The following VAV2 variants were observed in gnomAD, a reference collection of about 807,000 sequenced individuals.
VAV2 encodes the protein guanine nucleotide exchange factor VAV2.
A neutral mutation model predicts 132.5 loss-of-function variants in VAV2; 67 were observed. That is an observed-to-expected ratio of 0.51 (90% CI 0.42 to 0.62). VAV2 has a LOEUF of 0.62. Among genes scored for constraint, VAV2 ranks in the 20% least tolerant of loss-of-function variants. The probability of loss-of-function intolerance (pLI) is 0.00; values close to 1 mark genes in which losing one functional copy is unlikely to be tolerated. For missense variants in VAV2, 938 were observed against 1,153.6 expected (o/e 0.81, Z 2.71); for synonymous variants, 492 against 443.5 (o/e 1.11, Z -1.37).
intron 1 of VAV2, among the ~76,000 whole-genome samples, chr9:133,964,817 C>A (rs1842093508): frequency 6.6e-6 from 1 of 152,144 alleles, no homozygotes; most frequent in Non-Finnish European, 1.5e-5. Context: ...AGAAGGAGCA[C>A]TCCTCTACAC....
chr9:133,815,981 G>A (rs62576516), intron 4 of VAV2, among the ~76,000 whole-genome samples: 7 of 151,972 alleles, frequency 4.6e-5, no homozygotes, highest in Non-Finnish European at 8.8e-5. Flanking sequence ...CCCCAGCTGC[G>A]CCACATCCTC....
chr9:133,808,906 G>T, intron 7 of VAV2, 134 bp downstream of exon 7: 1 of 770,434 alleles, frequency 1.3e-6, no homozygotes, highest in Non-Finnish European at 2.0e-6. Flanking sequence ...AGAGCTGGGA[G>T]GGCCACCAAG....
chr9:133,838,056 G>T (rs1256383176), intron 3 of VAV2, among the ~76,000 whole-genome samples: 1 of 152,162 alleles, frequency 6.6e-6, no homozygotes, highest in Non-Finnish European at 1.5e-5. Context: ...CACGGCCTCA[G>T]CGCCTGGCCG....
At chr9:133,855,702 G>A (rs562551546) in intron 3 of VAV2, among the ~76,000 whole-genome samples, 1 of 152,204 alleles carries the variant, frequency 6.6e-6, no homozygotes, top group Admixed American at 6.5e-5. Flanking sequence ...GAAATGCGAG[G>A]TCACTGCTTC....
chr9:133,856,004 G>A (rs1488483797), intron 3 of VAV2, among the ~76,000 whole-genome samples: 3 of 152,206 alleles, frequency 2.0e-5, no homozygotes, highest in Non-Finnish European at 4.4e-5. Flanking sequence ...GACCGGCTAC[G>A]GCTGGGTGAA....
At chr9:133,981,008 T>G (rs1842675382) in intron 1 of VAV2, among the ~76,000 whole-genome samples, 1 of 152,150 alleles carries the variant, frequency 6.6e-6, no homozygotes, top group South Asian at 2.1e-4. Flanking sequence ...AAATACCTCA[T>G]TTGCTGAGGA....
At chr9:133,941,593 G>A (rs1588147836) in intron 1 of VAV2, among the ~76,000 whole-genome samples, 1 of 113,322 alleles carries the variant, frequency 8.8e-6, no homozygotes, top group East Asian at 2.7e-4. Flanking sequence ...AATCCTGTGT[G>A]AGTCCACTTT....
chr9:133,931,291 C>G (rs1362010116), intron 2 of VAV2, among the ~76,000 whole-genome samples: 1 of 152,176 alleles, frequency 6.6e-6, no homozygotes, highest in Non-Finnish European at 1.5e-5. Context: ...AGCCAGAGAG[C>G]CCAGCAGCAG....
rs987114837 is a variant in VAV2, at chr9:133,861,414, T to G, written c.340A>C (p.Arg114=). 5.0e-6 allele frequency: 8 copies of G among 1,613,280 alleles called. No homozygotes were observed. The highest frequency in any genetic ancestry group is 6.8e-6 in the Non-Finnish European group (8 of 1,179,802). The part of the protein sequence containing the change: ...DFGKVISAVS[R]LSLHSIAQNK... Reference sequence around the variant, plus strand: ...TGCGCGATGCTGTGCAGGGAGAGCCTCGACACCGCGGAGATGACCTGGGGG... The same window carrying G: ...TGCGCGATGCTGTGCAGGGAGAGCCGCGACACCGCGGAGATGACCTGGGGG... Residue 114 remains arginine, a synonymous_variant, in exon 3 of 30, where the codon AGG becomes CGG. Coordinates refer to ENST00000371850, the MANE Select transcript of VAV2 (RefSeq NM_001134398.2).
In VAV2 at chr9:133,912,208, G is replaced by A. The variant is rs977373148; in HGVS notation, c.321+26895C>T. On this transcript the variant is annotated intron_variant, in intron 2 of 29. Coordinates refer to ENST00000371850, the MANE Select transcript of VAV2 (RefSeq NM_001134398.2). This position sits in a 1 kb window ranked among gnomAD's most constrained non-coding sequence, Gnocchi z 4.3. ...GTCCCGGCCTCCAACACACGTGGGA[G>A]AAGGGCTGACAACCAGGAGTGTTTT... is the stretch of plus-strand genomic sequence containing the variant. 2.6e-5 allele frequency among the ~76,000 whole-genome samples: 4 copies of A among 152,212 alleles called. No homozygotes were observed. The highest frequency in any genetic ancestry group is 9.6e-5 in the African/African-American group (4 of 41,452).
intron 5 of VAV2, among the ~76,000 whole-genome samples, chr9:133,811,897 C>A (rs902597541): frequency 2.0e-5 from 3 of 152,132 alleles, no homozygotes; most frequent in Non-Finnish European, 2.9e-5. Context: ...ACAGAGTGGA[C>A]CAGGAGTCAG....
At chr9:133,855,527 C>T (rs1215662934) in intron 3 of VAV2, among the ~76,000 whole-genome samples, 3 of 152,220 alleles carry the variant, frequency 2.0e-5, no homozygotes, top group Admixed American at 6.5e-5. Flanking sequence ...CAGCAAGAGG[C>T]TGTCTCTGCA....
At chr9:133,891,967 G>A (rs895971169) in intron 2 of VAV2, among the ~76,000 whole-genome samples, 6 of 140,876 alleles carry the variant, frequency 4.3e-5, no homozygotes, top group African/African-American at 1.1e-4. Flanking sequence ...CAAGGCATTC[G>A]GGGGAGAGGT....
chr9:133,867,835 T>C (rs1055036504), intron 2 of VAV2, among the ~76,000 whole-genome samples: 1 of 152,186 alleles, frequency 6.6e-6, no homozygotes, highest in Non-Finnish European at 1.5e-5. Context: ...AATGGTCCAG[T>C]GTGGGGCGGT....
intron 1 of VAV2, among the ~76,000 whole-genome samples, chr9:133,954,704 C>T (rs990093057): frequency 1.3e-5 from 2 of 152,138 alleles, no homozygotes; most frequent in Non-Finnish European, 2.9e-5. Flanking sequence ...TGTGGGGTGC[C>T]CATGCACATA....
At chr9:133,832,568 T>C (rs1836304195) in intron 4 of VAV2, among the ~76,000 whole-genome samples, 1 of 151,982 alleles carries the variant, frequency 6.6e-6, no homozygotes, top group African/African-American at 2.4e-5. Context: ...TCTTTTTTTT[T>C]TTTACCCCAG....
chr9:133,803,636 G>C (rs767146340), intron 9 of VAV2, among the ~76,000 whole-genome samples: 2 of 152,206 alleles, frequency 1.3e-5, no homozygotes, highest in Non-Finnish European at 1.5e-5. Flanking sequence ...CTGCATTCAT[G>C]AAAGTATAAC....
intron 2 of VAV2, among the ~76,000 whole-genome samples, chr9:133,869,990 C>T (rs1837963359): frequency 6.6e-6 from 1 of 152,226 alleles, no homozygotes; most frequent in Admixed American, 6.5e-5. Context: ...CTAACTCAGC[C>T]TGTGTTATCC....
In VAV2 at chr9:133,802,039, C is replaced by T. The variant is rs1413664175; in HGVS notation, c.836+4042G>A. On this transcript the variant is annotated intron_variant, in intron 9 of 29. Coordinates refer to ENST00000371850, the MANE Select transcript of VAV2 (RefSeq NM_001134398.2). This position sits in a 1 kb window ranked among gnomAD's most constrained non-coding sequence, Gnocchi z 5.8. ...TCACACAGACGCCTTCACCCTCCGT[C>T]CACACCACAGGACTCTGAGCACCTG... 2.0e-5 allele frequency among the ~76,000 whole-genome samples: 3 copies of T among 152,176 alleles called. No homozygotes were observed. Among genetic ancestry groups the T allele is most frequent in the African/African-American group, 4.8e-5 (2 of 41,498 alleles).
Sources: allele counts gnomAD v4.1 joint callset (sites outside exome capture counted in the v4.1 genomes callset), GRCh38; gene constraint gnomAD v4.1.1; non-coding constraint Gnocchi (gnomAD v3.1); transcripts MANE v1.5; gene names NCBI Gene and HGNC (gene_info 2026-07-23, HGNC 2026-07-21).